The following SORCS2 variants were observed in gnomAD, a reference collection of about 807,000 sequenced individuals.
The protein encoded by SORCS2 is VPS10 domain-containing receptor SorCS2.
Under a neutral mutation model 141.6 loss-of-function variants are expected in SORCS2, and 100 were observed. The ratio of observed to expected loss-of-function variants is 0.71; its 90% CI spans 0.60 to 0.83. The LOEUF is 0.83. SORCS2 is among the 40% of genes least tolerant of loss of function. The pLI is 0.00. For synonymous variants in SORCS2, 789 were observed against 676.9 expected (o/e 1.17, Z -2.57); for missense variants, 1,646 against 1,560.2 (o/e 1.05, Z -0.93).
At chr4:7,354,966 C>G (rs1176609282) in intron 1 of SORCS2, among the ~76,000 whole-genome samples, 1 of 152,118 alleles carries the variant, frequency 6.6e-6, no homozygotes, top group Admixed American at 6.5e-5. Context: ...TTATCCCAAT[C>G]TCATCTTTTG....
At chr4:7,429,847 C>G (rs1263750469) in intron 2 of SORCS2, among the ~76,000 whole-genome samples, 2 of 152,208 alleles carry the variant, frequency 1.3e-5, no homozygotes, top group Admixed American at 6.5e-5. Context: ...TATTTAACCT[C>G]TCTGGTTTCA....
At chr4:7,540,372 C>G (rs1259753822) in intron 3 of SORCS2, among the ~76,000 whole-genome samples, 2 of 152,060 alleles carry the variant, frequency 1.3e-5, no homozygotes, top group Non-Finnish European at 2.9e-5. Flanking sequence ...AGGACCCCAG[C>G]CTTCTTCTGT....
At position 7,448,825 on chromosome 4, in the gene SORCS2, CT is replaced by C. The variant is rs1415264368; in HGVS notation, c.548+52473del. ...CTCTTTTCCCTCCCTCCCTCCCTCC[CT>C]TTCTCTCTTTTCCCTCTCTTCCTCC... On this transcript the variant is annotated intron_variant, in intron 2 of 26. Transcript: ENST00000507866. Among the ~76,000 whole-genome samples the C allele has an allele frequency of 2.8e-4, 5 of 18,158 alleles. 1 individual carries two copies. Among genetic ancestry groups the C allele is most frequent in the African/African-American group, 1.2e-3 (5 of 4,014 alleles). 11.9% of individuals were successfully genotyped at this position (18,158 alleles called of 152,430 possible). A position where few individuals can be genotyped will look rare whatever the true frequency, so the allele number is the denominator to read the frequency against.
intron 2 of SORCS2, among the ~76,000 whole-genome samples, chr4:7,511,554 G>A (rs1277756566): frequency 1.3e-5 from 2 of 152,052 alleles, no homozygotes; most frequent in Non-Finnish European, 2.9e-5. Flanking sequence ...GAAGGCCCAG[G>A]GGTTGAAGAG....
intron 3 of SORCS2, among the ~76,000 whole-genome samples, chr4:7,544,071 C>CCCTT (rs1713054953): frequency 7.8e-6 from 1 of 127,894 alleles, no homozygotes; most frequent in Non-Finnish European, 1.7e-5. Flanking sequence ...CATCCATCCA[C>CCCTT]CCATCCATCC....
At chr4:7,543,772 C>T (rs1577724128) in intron 3 of SORCS2, among the ~76,000 whole-genome samples, 1 of 110,120 alleles carries the variant, frequency 9.1e-6, no homozygotes, top group African/African-American at 3.5e-5. Flanking sequence ...ACCCATCCGT[C>T]CATCCATCCA....
At chr4:7,227,423 C>A (rs572979615) in intron 1 of SORCS2, among the ~76,000 whole-genome samples, 2 of 152,236 alleles carry the variant, frequency 1.3e-5, no homozygotes, top group Non-Finnish European at 2.9e-5. Flanking sequence ...AACTGCTGAG[C>A]GCCTGCTCCA....
chr4:7,313,700 G>A (rs1718352787), intron 1 of SORCS2, among the ~76,000 whole-genome samples: 1 of 152,170 alleles, frequency 6.6e-6, no homozygotes, highest in Non-Finnish European at 1.5e-5. Context: ...ACTGCCTCTC[G>A]CCTCCCCTTG....
intron 18 of SORCS2, among the ~76,000 whole-genome samples, chr4:7,722,698 T>A (rs1302804734): frequency 1.3e-5 from 2 of 152,218 alleles, no homozygotes; most frequent in Admixed American, 6.5e-5. Context: ...GTAAAGACCC[T>A]ATTTCCAAAT....
intron 3 of SORCS2, among the ~76,000 whole-genome samples, chr4:7,574,685 C>T (rs1046357230): frequency 3.3e-5 from 5 of 151,986 alleles, no homozygotes; most frequent in Admixed American, 6.6e-5. Context: ...ACTGAGGAAT[C>T]AGAGTGAAAA....
chr4:7,733,472 C>G (rs1052853078), intron 24 of SORCS2, 51 bp downstream of exon 24: 1 of 1,432,332 alleles, frequency 7.0e-7, no homozygotes, highest in South Asian at 1.3e-5. Context: ...GCATCCGGGC[C>G]CTGGAGAAGC....
intron 2 of SORCS2, among the ~76,000 whole-genome samples, chr4:7,436,328 C>G (rs900444966): frequency 3.3e-5 from 5 of 152,228 alleles, no homozygotes; most frequent in Non-Finnish European, 5.9e-5. Context: ...GCCTGCCATT[C>G]ATTCAGTCCA....
chr4:7,291,114 G>A (rs1177823642), intron 1 of SORCS2, among the ~76,000 whole-genome samples: 1 of 152,164 alleles, frequency 6.6e-6, no homozygotes, highest in African/African-American at 2.4e-5. Context: ...AGGTCCTGAG[G>A]TGGGAGGGAC....
rs969328687 is a variant in SORCS2 at position 7,436,576 on chromosome 4, G to A, written c.548+40221G>A. On this transcript the variant is annotated intron_variant, in intron 2 of 26. Transcript: ENST00000507866. ...TCCCTTGAGCCTGGCACAACATCCCGATAATGAAGGACTTCTTGGCTCGGC... is the reference window on the plus strand; with the variant it reads ...TCCCTTGAGCCTGGCACAACATCCCAATAATGAAGGACTTCTTGGCTCGGC... Among the ~76,000 whole-genome samples the A allele has an allele frequency of 9.2e-5, 14 of 152,228 alleles. No individual in the cohort carries two copies. The East Asian group carries it at 1.7e-3, about 19-fold the overall frequency.
chr4:7,439,512 G>C (rs1427473075), intron 2 of SORCS2, among the ~76,000 whole-genome samples: 1 of 152,174 alleles, frequency 6.6e-6, no homozygotes, highest in Non-Finnish European at 1.5e-5. Context: ...TCACACACCT[G>C]CAGAACGCAC....
intron 5 of SORCS2, among the ~76,000 whole-genome samples, chr4:7,659,606 G>A (rs1213485802): frequency 4.6e-5 from 7 of 152,236 alleles, no homozygotes; most frequent in African/African-American, 1.4e-4. Flanking sequence ...CTGAGAGGAC[G>A]AGTACTGCAT....
intron 1 of SORCS2, among the ~76,000 whole-genome samples, chr4:7,288,279 G>T (rs909932533): frequency 6.6e-6 from 1 of 152,026 alleles, no homozygotes; most frequent in African/African-American, 2.4e-5. Context: ...TGAAATTCGG[G>T]GCCTTGCTGA....
chr4:7,618,009 T>C (rs1031428212), intron 3 of SORCS2, among the ~76,000 whole-genome samples: 8 of 152,086 alleles, frequency 5.3e-5, no homozygotes, highest in Non-Finnish European at 1.0e-4. Context: ...TCAGATATTA[T>C]GTCTGCACCC....
chr4:7,284,035 C>G (rs973402848), intron 1 of SORCS2, among the ~76,000 whole-genome samples: 2 of 152,152 alleles, frequency 1.3e-5, no homozygotes, highest in African/African-American at 2.4e-5. Context: ...AGCGTCTGAT[C>G]TGGGGACACC....
Sources: allele counts gnomAD v4.1 joint callset (sites outside exome capture counted in the v4.1 genomes callset), GRCh38; gene constraint gnomAD v4.1.1; transcripts MANE v1.5; gene names NCBI Gene and HGNC (gene_info 2026-07-23, HGNC 2026-07-21).